The following DAB1 variants were observed in gnomAD, a reference collection of about 807,000 sequenced individuals.
DAB1 encodes DAB adaptor protein 1.
DAB1 carries 15 observed loss-of-function variants against 64.6 expected under a neutral mutation model. The observed-to-expected ratio is 0.23, with a 90% CI of 0.16 to 0.36. The LOEUF (loss-of-function observed/expected upper bound fraction) is 0.36. Among genes scored for constraint, DAB1 ranks in the 10% least tolerant of loss-of-function variants. The pLI, the probability that DAB1 is intolerant of heterozygous loss-of-function variation, is 1.00. For synonymous variants in DAB1, 235 were observed against 251.9 expected, an observed-to-expected ratio of 0.93 and a Z score of 0.64; for missense variants, 596 against 706.7, an observed-to-expected ratio of 0.84 and a Z score of 1.78.
chr1:57,985,587 A>G (rs561877968), intron 5 of DAB1, among the ~76,000 whole-genome samples: 6 of 152,286 alleles, frequency 3.9e-5, no homozygotes, highest in African/African-American at 1.4e-4. Context: ...TAAGGAGTCA[A>G]GGAGAGAAAA....
intron 7 of DAB1, among the ~76,000 whole-genome samples, chr1:57,623,989 C>G (rs1180306007): frequency 6.6e-6 from 1 of 152,220 alleles, no homozygotes; most frequent in African/African-American, 2.4e-5. Flanking sequence ...GCTATGAAGA[C>G]TTTGGGCTTT....
At chr1:58,201,034 T>G (rs79124548) in intron 4 of DAB1, among the ~76,000 whole-genome samples, 1 of 151,628 alleles carries the variant, frequency 6.6e-6, no homozygotes, top group Admixed American at 6.6e-5. Context: ...TTTTTTTTTT[T>G]GAGATGGAGT....
intron 7 of DAB1, among the ~76,000 whole-genome samples, chr1:57,563,136 C>T (rs1645072986): frequency 6.6e-6 from 1 of 152,126 alleles, no homozygotes; most frequent in African/African-American, 2.4e-5. Context: ...GAGGTGTTTG[C>T]TGAAGGCAAA....
chr1:58,236,093 C>A (rs1160588538), intron 4 of DAB1, among the ~76,000 whole-genome samples: 1 of 149,474 alleles, frequency 6.7e-6, no homozygotes, highest in Non-Finnish European at 1.5e-5. Flanking sequence ...TGGCCTGCAG[C>A]CCTGCCCGCC....
At chr1:57,351,782 G>A (rs1472106677) in intron 1 of DAB1, among the ~76,000 whole-genome samples, 1 of 152,016 alleles carries the variant, frequency 6.6e-6, no homozygotes, top group Non-Finnish European at 1.5e-5. Context: ...CTTTCATGGG[G>A]CCAATCAGTT....
At chr1:58,336,657 T>C (rs112504715) in intron 4 of DAB1, among the ~76,000 whole-genome samples, 63 of 152,338 alleles carry the variant, frequency 4.1e-4, no homozygotes, top group African/African-American at 1.2e-3. Context: ...AAGACTTCAA[T>C]CCTTTATCAG....
chr1:57,604,449 G>C (rs1645612214), intron 7 of DAB1, among the ~76,000 whole-genome samples: 1 of 151,334 alleles, frequency 6.6e-6, no homozygotes, highest in Admixed American at 6.6e-5. Flanking sequence ...CCACATGAAA[G>C]AACAGGGGAA....
chr1:57,320,741 C>A (rs1675641872), intron 1 of DAB1, among the ~76,000 whole-genome samples: 1 of 152,214 alleles, frequency 6.6e-6, no homozygotes, highest in South Asian at 2.1e-4. Flanking sequence ...TGTTGAAGAT[C>A]TCTAAGGATT....
intron 2 of DAB1, among the ~76,000 whole-genome samples, chr1:58,518,653 A>G (rs1646211743): frequency 6.6e-6 from 1 of 151,782 alleles, no homozygotes. Context: ...GGAGGACTCC[A>G]GGGTTTTTTT....
chr1:57,130,097 T>C (rs1302814625), intron 4 of DAB1, among the ~76,000 whole-genome samples: 1 of 151,720 alleles, frequency 6.6e-6, no homozygotes, highest in African/African-American at 2.4e-5. Flanking sequence ...CAGATGATCA[T>C]GTGCTAGGAT....
intron 3 of DAB1, among the ~76,000 whole-genome samples, chr1:58,488,624 G>T (rs941789979): frequency 6.6e-6 from 1 of 151,760 alleles, no homozygotes; most frequent in Non-Finnish European, 1.5e-5. Context: ...GCTAATTTTT[G>T]TATTTTTAGT....
intron 1 of DAB1, among the ~76,000 whole-genome samples, chr1:58,544,636 C>T (rs553084911): frequency 3.2e-4 from 48 of 152,288 alleles, no homozygotes; most frequent in African/African-American, 1.1e-3. Context: ...TTGTCGTTGT[C>T]CAGGCTGGAG....
At chr1:57,595,672 T>G (rs1645500409) in intron 7 of DAB1, among the ~76,000 whole-genome samples, 3 of 151,844 alleles carry the variant, frequency 2.0e-5, no homozygotes, top group Non-Finnish European at 4.4e-5. Context: ...ATCCCAGTGT[T>G]GGAGGTGGGG....
intron 2 of DAB1, among the ~76,000 whole-genome samples, chr1:57,156,162 A>T (rs893798777): frequency 6.6e-6 from 1 of 151,956 alleles, no homozygotes; most frequent in South Asian, 2.1e-4. Context: ...TCACCCTCTA[A>T]TCCATGCCCC....
At chr1:57,563,844 G>A (rs1332527688) in intron 7 of DAB1, among the ~76,000 whole-genome samples, 1 of 152,208 alleles carries the variant, frequency 6.6e-6, no homozygotes, top group African/African-American at 2.4e-5. Context: ...GCCTGCCTCT[G>A]TAGACTCCAT....
chr1:57,786,310 A>C (rs1650337314), intron 6 of DAB1, among the ~76,000 whole-genome samples: 1 of 152,112 alleles, frequency 6.6e-6, no homozygotes, highest in Non-Finnish European at 1.5e-5. Context: ...AATACCTCTA[A>C]GGTATGCCTG....
chr1:58,428,171 A>G (rs1171482089), intron 3 of DAB1, among the ~76,000 whole-genome samples: 1 of 152,208 alleles, frequency 6.6e-6, no homozygotes, highest in Non-Finnish European at 1.5e-5. Context: ...CATTTTGTTA[A>G]CCCCTGATGA....
intron 5 of DAB1, among the ~76,000 whole-genome samples, chr1:58,123,450 T>G (rs1652868374): frequency 6.6e-6 from 1 of 152,100 alleles, no homozygotes; most frequent in Non-Finnish European, 1.5e-5. Flanking sequence ...GGGCAGGGGT[T>G]GGAGGGAGAT....
intron 3 of DAB1, among the ~76,000 whole-genome samples, chr1:58,451,728 G>GA (rs900112376): frequency 2.0e-5 from 3 of 151,600 alleles, no homozygotes; most frequent in East Asian, 1.9e-4. Flanking sequence ...CATCAGGATA[G>GA]AAAAAAATAC....
Sources: gnomAD v4.1 joint callset for allele counts (sites outside exome capture counted in the v4.1 genomes callset) on GRCh38, gnomAD v4.1.1 for gene constraint, MANE v1.5 for transcripts, NCBI Gene and HGNC (gene_info 2026-07-23, HGNC 2026-07-21) for gene names.